The following CIST1 variants were observed in gnomAD, a reference collection of about 807,000 sequenced individuals.
The protein encoded by CIST1 is uncharacterized LOC729966.
the CIST1 span, among the ~76,000 whole-genome samples, chr19:18,251,128 CT>C: frequency 0.3 from 45,439 of 149,040 alleles, 7,091 homozygotes; most frequent in South Asian, 0.43. Flanking sequence ...GAGATAGAGT[CT>C]TTTTTTTCCC....
the CIST1 span, among the ~76,000 whole-genome samples, chr19:18,254,871 AC>A: frequency 4.0e-4 from 61 of 152,030 alleles, 1 homozygote; most frequent in African/African-American, 1.4e-3. Context: ...GTTCCCTGGA[AC>A]CCCCATGGCC....
At chr19:18,252,338 G>T in the CIST1 span, 1 of 399,140 alleles carries the variant, frequency 2.5e-6, no homozygotes, top group Non-Finnish European at 4.4e-6. Flanking sequence ...GGGTTATGGA[G>T]TCTGTCTCCA....
the CIST1 span, among the ~76,000 whole-genome samples, chr19:18,251,751 C>T: frequency 8.0e-6 from 1 of 124,958 alleles, no homozygotes; most frequent in Non-Finnish European, 1.8e-5. Context: ...CCGCGCCCCG[C>T]CATTTTTAGA....
chr19:18,252,373 TG>T, the CIST1 span: 1 of 399,092 alleles, frequency 2.5e-6, no homozygotes, highest in Non-Finnish European at 4.4e-6. Context: ...GAGTAGGATT[TG>T]GGGGGTTCCC....
At chr19:18,251,324 C>G in the CIST1 span, among the ~76,000 whole-genome samples, 1 of 151,572 alleles carries the variant, frequency 6.6e-6, no homozygotes, top group African/African-American at 2.4e-5. Context: ...CGGGGTTTCA[C>G]CATGTTGGCC....
chr19:18,252,033 C>T, the CIST1 span: 147 of 398,758 alleles, frequency 3.7e-4, no homozygotes, highest in Admixed American at 2.4e-3. Flanking sequence ...CCGCCACCTC[C>T]CTACAAACAC....
the CIST1 span, among the ~76,000 whole-genome samples, chr19:18,252,727 C>T: frequency 0.073 from 11,084 of 152,056 alleles, 1,366 homozygotes; most frequent in African/African-American, 0.25. Context: ...AAGCAATTCT[C>T]CTGCCTCAGC....
the CIST1 span, chr19:18,250,562 C>A: frequency 2.5e-6 from 1 of 398,142 alleles, no homozygotes; most frequent in East Asian, 3.6e-5. Flanking sequence ...AAAATCTGTT[C>A]TCAGGAAGCT....
the CIST1 span, among the ~76,000 whole-genome samples, chr19:18,254,848 G>C: frequency 6.6e-6 from 1 of 152,218 alleles, no homozygotes. Context: ...TGATGACCAG[G>C]AAGTGAGTCC....
chr19:18,253,328 C>T, the CIST1 span, among the ~76,000 whole-genome samples: 38 of 152,142 alleles, frequency 2.5e-4, no homozygotes, highest in African/African-American at 8.9e-4. Context: ...GGCTGTAGTG[C>T]GCCATGATTG....
chr19:18,249,962 G>A, the CIST1 span: 3 of 395,974 alleles, frequency 7.6e-6, no homozygotes, highest in African/African-American at 6.2e-5. Flanking sequence ...CCCCAGCACA[G>A]AGCCCAGCAC....
At chr19:18,255,184 G>A in the CIST1 span, 35 of 391,718 alleles carry the variant, frequency 8.9e-5, no homozygotes, top group East Asian at 1.4e-4. The surrounding 1 kb of genome is among the most constrained non-coding windows in gnomAD (Gnocchi z 4.6). Flanking sequence ...CCACCCTTCC[G>A]CTTTCTGGAA....
At chr19:18,250,407 G>A in the CIST1 span, 8 of 398,962 alleles carry the variant, frequency 2.0e-5, no homozygotes, top group Non-Finnish European at 3.1e-5. Context: ...AGAGACACCA[G>A]CAAACACACG....
chr19:18,254,730 C>T, the CIST1 span, among the ~76,000 whole-genome samples: 1 of 152,138 alleles, frequency 6.6e-6, no homozygotes, highest in African/African-American at 2.4e-5. Context: ...AAAGGGAATG[C>T]GAGAAGCTCA....
the CIST1 span, chr19:18,250,387 G>A: frequency 2.0e-5 from 8 of 399,080 alleles, no homozygotes; most frequent in East Asian, 3.6e-5. Context: ...CCACAGACCC[G>A]ATGAGCAAAA....
chr19:18,250,286 G>C, the CIST1 span: 73 of 399,126 alleles, frequency 1.8e-4, no homozygotes, highest in East Asian at 2.6e-3. Flanking sequence ...CCCCAGGGCT[G>C]AGCCCCCAGC....
the CIST1 span, among the ~76,000 whole-genome samples, chr19:18,253,819 A>G: frequency 1.2e-4 from 19 of 152,304 alleles, no homozygotes; most frequent in South Asian, 2.3e-3. Flanking sequence ...GGCTGAGGGC[A>G]GGTAAGCAGT....
the CIST1 span, chr19:18,255,369 G>A: frequency 5.0e-6 from 2 of 398,544 alleles, no homozygotes; most frequent in African/African-American, 2.1e-5. The surrounding 1 kb of genome is among the most constrained non-coding windows in gnomAD (Gnocchi z 4.6). Flanking sequence ...GTGTGCCCAG[G>A]TGCCAGCTCC....
the CIST1 span, chr19:18,250,076 T>A: frequency 2.5e-6 from 1 of 398,690 alleles, no homozygotes; most frequent in Admixed American, 4.4e-5. Flanking sequence ...GTTCTGCTCC[T>A]CCCCAGGAAC....
Sources: allele counts gnomAD v4.1 joint callset (sites outside exome capture counted in the v4.1 genomes callset), GRCh38; gene constraint gnomAD v4.1.1; non-coding constraint Gnocchi (gnomAD v3.1); transcripts MANE v1.5; gene names NCBI Gene and HGNC (gene_info 2026-07-23, HGNC 2026-07-21).